The following ELAVL2 variants were observed in gnomAD, a reference collection of about 807,000 sequenced individuals.
ELAVL2 encodes ELAV like RNA binding protein 2.
Under a neutral mutation model 34.6 loss-of-function variants are expected in ELAVL2, and 4 were observed. That is an observed-to-expected ratio of 0.12 (90% CI 0.06 to 0.26). The LOEUF (loss-of-function observed/expected upper bound fraction) is 0.26. ELAVL2 is among the 10% of genes least tolerant of loss of function. The pLI, the probability that ELAVL2 is intolerant of heterozygous loss-of-function variation, is 1.00. For missense variants in ELAVL2, 432 were observed against 442.8 expected, an observed-to-expected ratio of 0.98 and a Z score of 0.22; for synonymous variants, 193 against 154.8, an observed-to-expected ratio of 1.25 and a Z score of -1.83.
At chr9:23,715,737 T>C (rs2042128259) in intron 3 of ELAVL2, among the ~76,000 whole-genome samples, 2 of 152,174 alleles carry the variant, frequency 1.3e-5, no homozygotes, top group Non-Finnish European at 2.9e-5. Context: ...TTGTGTAGTA[T>C]CTGAATGTCT....
chr9:23,801,623 C>A (rs1480194527), intron 1 of ELAVL2, among the ~76,000 whole-genome samples: 1 of 152,216 alleles, frequency 6.6e-6, no homozygotes, highest in Non-Finnish European at 1.5e-5. Context: ...GTCACTGTTA[C>A]TGACATTTCT....
At chr9:23,736,981 T>G (rs1017619875) in intron 2 of ELAVL2, among the ~76,000 whole-genome samples, 1 of 152,160 alleles carries the variant, frequency 6.6e-6, no homozygotes, top group African/African-American at 2.4e-5. Context: ...CCTTTGAGAC[T>G]CTCTGAAGTC....
At chr9:23,719,431 T>C (rs548258767) in intron 3 of ELAVL2, among the ~76,000 whole-genome samples, 2 of 152,296 alleles carry the variant, frequency 1.3e-5, no homozygotes, top group African/African-American at 4.8e-5. Context: ...CTGTAGACAA[T>C]GCATATTTTA....
chr9:23,814,796 A>G (rs1309969103), intron 1 of ELAVL2, among the ~76,000 whole-genome samples: 1 of 152,172 alleles, frequency 6.6e-6, no homozygotes, highest in Admixed American at 6.5e-5. Flanking sequence ...ATAAAGCAAT[A>G]TCAGTATAAC....
At chr9:23,822,005 G>A (rs1049427886) in intron 1 of ELAVL2, among the ~76,000 whole-genome samples, 8 of 151,728 alleles carry the variant, frequency 5.3e-5, no homozygotes, top group South Asian at 4.2e-4. Context: ...GCTCAGCTCC[G>A]TCCCTCCGGA....
At chr9:23,821,388 C>T (rs1030113064) in intron 1 of ELAVL2, 6 of 152,070 alleles carry the variant, frequency 3.9e-5, no homozygotes, top group African/African-American at 1.4e-4. Flanking sequence ...GCGCCCAATT[C>T]TCTCTACTCC....
chr9:23,748,758 G>T (rs1310907628), intron 2 of ELAVL2, among the ~76,000 whole-genome samples: 1 of 152,038 alleles, frequency 6.6e-6, no homozygotes, highest in East Asian at 1.9e-4. Context: ...GGGAGGGGTT[G>T]GTCCCTAAAG....
intron 1 of ELAVL2, chr9:23,779,224 T>G (rs1331436783): frequency 1.0e-6 from 1 of 985,392 alleles, no homozygotes; most frequent in Non-Finnish European, 1.2e-6. Context: ...GAAGGGTAAA[T>G]AAGAGGTCTT....
intron 2 of ELAVL2, among the ~76,000 whole-genome samples, chr9:23,758,856 C>T (rs2054202843): frequency 6.6e-6 from 1 of 152,064 alleles, no homozygotes; most frequent in South Asian, 2.1e-4. Flanking sequence ...GAGTGCAGCA[C>T]TTCCTAAACT....
intron 3 of ELAVL2, among the ~76,000 whole-genome samples, chr9:23,705,309 G>A (rs149858466): frequency 1.5e-4 from 23 of 152,248 alleles, no homozygotes; most frequent in Non-Finnish European, 2.8e-4. Context: ...TGCTGGACTA[G>A]CCTACTGCAA....
At chr9:23,772,665 G>GTA (rs1173784035) in intron 1 of ELAVL2, among the ~76,000 whole-genome samples, 1 of 151,526 alleles carries the variant, frequency 6.6e-6, no homozygotes, top group Non-Finnish European at 1.5e-5. Context: ...ATTCATTGAT[G>GTA]TATTGTGGAG....
chr9:23,785,143 T>C (rs1280050954), intron 1 of ELAVL2, among the ~76,000 whole-genome samples: 1 of 152,196 alleles, frequency 6.6e-6, no homozygotes, highest in Admixed American at 6.5e-5. Flanking sequence ...GTTTTACTTC[T>C]TATTGTACTT....
At chr9:23,815,342 C>G (rs2063554961) in intron 1 of ELAVL2, among the ~76,000 whole-genome samples, 1 of 152,132 alleles carries the variant, frequency 6.6e-6, no homozygotes, top group Non-Finnish European at 1.5e-5. Context: ...CAAGTCCCAT[C>G]ATCATAGGTA....
chr9:23,766,778 A>T (rs1214232027), intron 1 of ELAVL2, among the ~76,000 whole-genome samples: 2 of 152,120 alleles, frequency 1.3e-5, no homozygotes, highest in Non-Finnish European at 1.5e-5. Context: ...TTCAGTTACT[A>T]AAAATGTAAA....
chr9:23,793,025 C>T (rs2060506653), intron 1 of ELAVL2, among the ~76,000 whole-genome samples: 1 of 152,132 alleles, frequency 6.6e-6, no homozygotes, highest in Non-Finnish European at 1.5e-5. Context: ...AATCCCTCCC[C>T]GCAAGGCCTC....
At chr9:23,701,642 A>G in intron 4 of ELAVL2, 38 bp from the exon 5 acceptor site, 1 of 1,598,884 alleles carries the variant, frequency 6.3e-7, no homozygotes, top group Non-Finnish European at 8.6e-7. Flanking sequence ...AAAAGAGGGA[A>G]CAGAAGGAGA....
At chr9:23,830,625 C>CACACACA (rs1554774159), upstream of ELAVL2, among the ~76,000 whole-genome samples, 131 of 142,014 alleles carry the variant, frequency 9.2e-4, no homozygotes, top group African/African-American at 2.8e-3. Flanking sequence ...CACACACACA[C>CACACACA]CTTTTTTTTT....
chr9:23,799,494 A>C (rs1427984580), intron 1 of ELAVL2, among the ~76,000 whole-genome samples: 1 of 152,234 alleles, frequency 6.6e-6, no homozygotes, highest in Non-Finnish European at 1.5e-5. Context: ...GTGAGTGGGG[A>C]AAAGCAGAGT....
chr9:23,819,890 A>T (rs536702395), intron 1 of ELAVL2, among the ~76,000 whole-genome samples: 4 of 152,192 alleles, frequency 2.6e-5, no homozygotes, highest in African/African-American at 9.6e-5. Flanking sequence ...TTGCAAGCGA[A>T]CTTCCCGTAA....
Sources: allele counts gnomAD v4.1 joint callset (sites outside exome capture counted in the v4.1 genomes callset), GRCh38; gene constraint gnomAD v4.1.1; transcripts MANE v1.5; gene names NCBI Gene and HGNC (gene_info 2026-07-23, HGNC 2026-07-21).